The following ZNF385D variants were observed in gnomAD, a reference collection of about 807,000 sequenced individuals.
ZNF385D encodes the protein zinc finger protein 659.
A neutral mutation model predicts 35.8 loss-of-function variants in ZNF385D; 15 were observed. That is an observed-to-expected ratio of 0.42 (90% CI 0.28 to 0.64). ZNF385D has a LOEUF of 0.64. Among genes scored for constraint, ZNF385D ranks in the 30% least tolerant of loss-of-function variants. The pLI is 0.23. For missense variants in ZNF385D, 474 were observed against 494.6 expected (o/e 0.96, Z 0.39); for synonymous variants, 212 against 186.8 (o/e 1.13, Z -1.10).
At position 21,768,072 on chromosome 3, in the gene ZNF385D, G is replaced by T. The variant is rs116045707; in HGVS notation, c.326-103044C>A. On this transcript the variant is annotated intron_variant, in intron 3 of 5. Coordinates refer to the ZNF385D transcript ENST00000494108. ...TTGTACATTTCTGGCCTTGTTGTAT[G>T]TAATAACAGATATTAGGAGATAACT... 2.2e-3 allele frequency among the ~76,000 whole-genome samples: 339 copies of T among 152,156 alleles called. 3 individuals are homozygous for T. Among genetic ancestry groups the T allele is most frequent in the African/African-American group, 7.8e-3 (322 of 41,526 alleles).
intron 4 of ZNF385D, among the ~76,000 whole-genome samples, chr3:21,443,900 C>G (rs1434251480): frequency 2.6e-5 from 4 of 152,084 alleles, no homozygotes; most frequent in African/African-American, 9.7e-5. Context: ...TCAAAGCTGT[C>G]CAATTTATTA....
intron 2 of ZNF385D, among the ~76,000 whole-genome samples, chr3:22,371,282 C>T (rs1696893235): frequency 1.3e-5 from 2 of 152,182 alleles, no homozygotes; most frequent in South Asian, 2.1e-4. Flanking sequence ...CTGAAAGGCA[C>T]ATTTCACAGA....
In ZNF385D at chr3:22,109,342, G is replaced by C. The variant is rs575983008; in HGVS notation, c.325+59475C>G. ...TATGAACATATAAGGATACATACAA[G>C]ATGTCACCTTGTACATGGACATTTA... On this transcript the variant is annotated intron_variant, in intron 3 of 5. Transcript: ENST00000494108. 1.6e-3 allele frequency among the ~76,000 whole-genome samples: 236 copies of C among 152,246 alleles called. 2 individuals are homozygous for C. The highest frequency in any genetic ancestry group is 1.4e-3 in the Admixed American group (22 of 15,272).
At chr3:21,669,070 A>G (rs1387719303) in intron 1 of ZNF385D, among the ~76,000 whole-genome samples, 2 of 152,198 alleles carry the variant, frequency 1.3e-5, no homozygotes, top group East Asian at 3.8e-4. Flanking sequence ...TAAAGCCTCC[A>G]TGGAGTAGGG....
intron 3 of ZNF385D, among the ~76,000 whole-genome samples, chr3:22,162,213 A>C (rs1170619868): frequency 6.6e-6 from 1 of 152,120 alleles, no homozygotes. Flanking sequence ...TCTTACTGAG[A>C]CTTTGAAGGA....
chr3:21,463,891 TCA>T (rs1703337535), intron 4 of ZNF385D, among the ~76,000 whole-genome samples: 3 of 135,196 alleles, frequency 2.2e-5, no homozygotes, highest in East Asian at 2.0e-4. Flanking sequence ...CTGCTTAGCC[TCA>T]GTTTTTTTTT....
At chr3:22,085,592 C>A (rs1576292978) in intron 3 of ZNF385D, among the ~76,000 whole-genome samples, 2 of 152,204 alleles carry the variant, frequency 1.3e-5, no homozygotes, top group Non-Finnish European at 2.9e-5. Flanking sequence ...TAACAGCCTA[C>A]CAACCAAAAA....
intron 3 of ZNF385D, among the ~76,000 whole-genome samples, chr3:21,984,791 C>A (rs185804959): frequency 3.5e-5 from 4 of 115,012 alleles, no homozygotes; most frequent in Non-Finnish European, 5.8e-5. Flanking sequence ...ATTCTTCCTA[C>A]CCATGAGCAT....
intron 2 of ZNF385D, among the ~76,000 whole-genome samples, chr3:22,318,493 A>T (rs1704024669): frequency 6.6e-6 from 1 of 152,144 alleles, no homozygotes; most frequent in African/African-American, 2.4e-5. Context: ...GTGGAGAATA[A>T]ACTAGGAGAT....
chr3:21,572,484 G>T (rs1368181845), intron 2 of ZNF385D, among the ~76,000 whole-genome samples: 1 of 152,090 alleles, frequency 6.6e-6, no homozygotes, highest in African/African-American at 2.4e-5. Context: ...GACATGCTGG[G>T]TACTTTAAAG....
chr3:22,061,828 A>C (rs562360129), intron 3 of ZNF385D, among the ~76,000 whole-genome samples: 1 of 152,078 alleles, frequency 6.6e-6, no homozygotes, highest in Non-Finnish European at 1.5e-5. Flanking sequence ...AATCTGGATT[A>C]CCTTTCTTTA....
chr3:21,862,335 G>A (rs904171643), intron 3 of ZNF385D, among the ~76,000 whole-genome samples: 2 of 149,948 alleles, frequency 1.3e-5, no homozygotes, highest in African/African-American at 2.5e-5. Context: ...GAAATATGCA[G>A]TAAGTATAAC....
At chr3:22,201,466 G>C (rs553982814) in intron 2 of ZNF385D, among the ~76,000 whole-genome samples, 1 of 151,970 alleles carries the variant, frequency 6.6e-6, no homozygotes, top group Non-Finnish European at 1.5e-5. Context: ...TCTTTTATAC[G>C]TCGGAAATAA....
chr3:21,703,313 G>A (rs2067764658), intron 1 of ZNF385D, among the ~76,000 whole-genome samples: 1 of 152,094 alleles, frequency 6.6e-6, no homozygotes, highest in Non-Finnish European at 1.5e-5. Flanking sequence ...CACGAGAATA[G>A]CATGAGAAAG....
chr3:22,286,599 T>C (rs1702036862), intron 2 of ZNF385D, among the ~76,000 whole-genome samples: 1 of 152,164 alleles, frequency 6.6e-6, no homozygotes, highest in Non-Finnish European at 1.5e-5. Flanking sequence ...TGTGGTGTTT[T>C]CATTGTTTCA....
At chr3:21,651,807 C>T (rs1301440051) in intron 2 of ZNF385D, among the ~76,000 whole-genome samples, 3 of 152,104 alleles carry the variant, frequency 2.0e-5, no homozygotes, top group African/African-American at 4.8e-5. Flanking sequence ...AAATAAAGAC[C>T]TTTCTATAAA....
At chr3:21,809,607 T>C (rs1322123556) in intron 3 of ZNF385D, among the ~76,000 whole-genome samples, 1 of 150,454 alleles carries the variant, frequency 6.6e-6, no homozygotes, top group Admixed American at 6.7e-5. Flanking sequence ...TATACACATA[T>C]ATATACATAT....
chr3:22,339,027 A>C (rs936951685), intron 2 of ZNF385D, among the ~76,000 whole-genome samples: 2 of 152,100 alleles, frequency 1.3e-5, no homozygotes, highest in African/African-American at 2.4e-5. Flanking sequence ...AAAAGAAAAC[A>C]TTGATGTTTA....
At chr3:22,290,576 T>C (rs147916259) in intron 2 of ZNF385D, among the ~76,000 whole-genome samples, 1,940 of 152,290 alleles carry the variant, frequency 0.013, 26 homozygotes, top group Middle Eastern at 0.031. Context: ...TGCAGTATCC[T>C]GCCTAGGCTC....
Sources: gnomAD v4.1 joint callset for allele counts (sites outside exome capture counted in the v4.1 genomes callset) on GRCh38, gnomAD v4.1.1 for gene constraint, MANE v1.5 for transcripts, NCBI Gene and HGNC (gene_info 2026-07-23, HGNC 2026-07-21) for gene names.